Variants in NRXN3 observed in about 807,000 individuals in gnomAD.
The protein encoded by NRXN3 is neurexin 3, also known as neurexin III.
Under a neutral mutation model 137.6 loss-of-function variants are expected in NRXN3, and 32 were observed. That is an observed-to-expected ratio of 0.23 (90% CI 0.18 to 0.31). The LOEUF (loss-of-function observed/expected upper bound fraction) is 0.31, where lower values mean the gene tolerates loss of function less well. Among genes scored for constraint, NRXN3 ranks in the 10% least tolerant of loss-of-function variants. NRXN3 has a pLI of 1.00. For synonymous variants in NRXN3, 798 were observed against 784.5 expected (o/e 1.02, Z -0.29); for missense variants, 1,574 against 2,062.5 (o/e 0.76, Z 4.59).
intron 15 of NRXN3, among the ~76,000 whole-genome samples, chr14:79,306,923 C>T (rs1598500083): frequency 6.6e-6 from 1 of 152,064 alleles, no homozygotes; most frequent in East Asian, 1.9e-4. Flanking sequence ...CCTTTTTAGT[C>T]TCCAGATAGG....
At chr14:79,264,138 A>C (rs2068219770) in intron 15 of NRXN3, among the ~76,000 whole-genome samples, 1 of 152,022 alleles carries the variant, frequency 6.6e-6, no homozygotes, top group African/African-American at 2.4e-5. Context: ...CCCAGGCTAG[A>C]GTGCAGTGGT....
chr14:78,841,379 C>T (rs889262869), intron 10 of NRXN3, among the ~76,000 whole-genome samples: 1 of 151,836 alleles, frequency 6.6e-6, no homozygotes, highest in Non-Finnish European at 1.5e-5. Context: ...TTCTTTCACC[C>T]GGGTTCCTGG....
At chr14:78,810,480 G>A (rs185838795) in intron 10 of NRXN3, 136 bp downstream of exon 10, 71 of 176,276 alleles carry the variant, frequency 4.0e-4, no homozygotes, top group Middle Eastern at 2.3e-3. Context: ...GGGACCTGGG[G>A]CTAAGAAGAT....
chr14:78,972,010 T>C (rs2153015299), intron 14 of NRXN3, among the ~76,000 whole-genome samples: 1 of 152,318 alleles, frequency 6.6e-6, no homozygotes, highest in East Asian at 1.9e-4. Context: ...ATGTCTCTGA[T>C]AGATGCAAAG....
chr14:78,870,695 C>T (rs1007481796), intron 10 of NRXN3, among the ~76,000 whole-genome samples: 2 of 151,966 alleles, frequency 1.3e-5, no homozygotes, highest in African/African-American at 2.4e-5. Context: ...CCCCACTACC[C>T]ATCCCAGTCT....
At chr14:79,629,878 A>T (rs1186490289) in intron 16 of NRXN3, among the ~76,000 whole-genome samples, 1 of 151,954 alleles carries the variant, frequency 6.6e-6, no homozygotes, top group African/African-American at 2.4e-5. Context: ...GCTTGAAGGT[A>T]GCAGCCCTTT....
At chr14:79,073,433 C>T (rs1398112191) in intron 15 of NRXN3, among the ~76,000 whole-genome samples, 2 of 152,094 alleles carry the variant, frequency 1.3e-5, no homozygotes, top group East Asian at 1.9e-4. Flanking sequence ...TTCTTACACA[C>T]ATTGCATTGT....
intron 4 of NRXN3, among the ~76,000 whole-genome samples, chr14:78,604,677 G>A (rs1356409656): frequency 6.6e-6 from 1 of 152,168 alleles, no homozygotes; most frequent in Non-Finnish European, 1.5e-5. Context: ...AGGAATTTGA[G>A]TCTGGAGGAG....
chr14:79,542,817 A>G (rs564629742), intron 16 of NRXN3, among the ~76,000 whole-genome samples: 31 of 152,258 alleles, frequency 2.0e-4, no homozygotes, highest in African/African-American at 7.5e-4. Flanking sequence ...GGGCCACAGG[A>G]GAGCAGGGAT....
chr14:79,148,179 A>G (rs2059473430), intron 15 of NRXN3, among the ~76,000 whole-genome samples: 1 of 152,156 alleles, frequency 6.6e-6, no homozygotes. Context: ...AGTTAGTGGT[A>G]TAAAATTGTT....
At chr14:79,132,791 C>T (rs554432587) in intron 15 of NRXN3, among the ~76,000 whole-genome samples, 1 of 152,192 alleles carries the variant, frequency 6.6e-6, no homozygotes, top group Non-Finnish European at 1.5e-5. Flanking sequence ...TTAAGGAGTT[C>T]CCTGGGGAAG....
intron 15 of NRXN3, among the ~76,000 whole-genome samples, chr14:79,431,220 C>T (rs2095748850): frequency 1.3e-5 from 2 of 152,162 alleles, no homozygotes; most frequent in African/African-American, 2.4e-5. Flanking sequence ...GAAGCAAATA[C>T]CTGGCTCTAG....
chr14:78,945,803 C>G (rs1402715613), intron 10 of NRXN3, among the ~76,000 whole-genome samples: 1 of 152,200 alleles, frequency 6.6e-6, no homozygotes, highest in Non-Finnish European at 1.5e-5. Context: ...TGCAGTGCTT[C>G]TTCATGCCTC....
intron 1 of NRXN3, among the ~76,000 whole-genome samples, chr14:78,219,915 G>C (rs73308540): frequency 6.6e-6 from 1 of 152,108 alleles, no homozygotes; most frequent in Non-Finnish European, 1.5e-5. Flanking sequence ...GAGTTACTGA[G>C]GTGGATGGGG....
intron 19 of NRXN3, among the ~76,000 whole-genome samples, chr14:79,757,912 A>AT (rs1298342794): frequency 1.3e-5 from 2 of 152,060 alleles, no homozygotes; most frequent in Non-Finnish European, 2.9e-5. Context: ...AACCACATTA[A>AT]TTTTTTTCTG....
intron 15 of NRXN3, among the ~76,000 whole-genome samples, chr14:79,364,633 A>G (rs2093809878): frequency 6.6e-6 from 1 of 151,712 alleles, no homozygotes; most frequent in South Asian, 2.1e-4. Flanking sequence ...CATAATAATA[A>G]TACTCTATTT....
intron 19 of NRXN3, among the ~76,000 whole-genome samples, chr14:79,770,870 A>G (rs1437796512): frequency 4.6e-5 from 7 of 152,150 alleles, no homozygotes; most frequent in Non-Finnish European, 8.8e-5. Flanking sequence ...AAATTGATAG[A>G]CCACTAGCAA....
chr14:78,699,834 T>C (rs1192996577), intron 6 of NRXN3, among the ~76,000 whole-genome samples: 1 of 152,130 alleles, frequency 6.6e-6, no homozygotes, highest in Non-Finnish European at 1.5e-5. Context: ...CCTAAGAAAA[T>C]GCAGGAAATG....
At chr14:78,247,186 G>C (rs1374441853) in intron 2 of NRXN3, among the ~76,000 whole-genome samples, 2 of 152,114 alleles carry the variant, frequency 1.3e-5, no homozygotes, top group Non-Finnish European at 2.9e-5. Flanking sequence ...ATGCCTTGTT[G>C]GCTCCAAAAT....
Sources: allele counts gnomAD v4.1 joint callset (sites outside exome capture counted in the v4.1 genomes callset), GRCh38; gene constraint gnomAD v4.1.1; transcripts MANE v1.5; gene names NCBI Gene and HGNC (gene_info 2026-07-23, HGNC 2026-07-21).